The following MYRFL variants were observed in gnomAD, a reference collection of about 807,000 sequenced individuals.
The protein encoded by MYRFL is myelin regulatory factor-like protein.
In MYRFL, 88 loss-of-function variants were observed where a neutral mutation model predicts 109.4. The ratio of observed to expected loss-of-function variants is 0.80; its 90% CI spans 0.68 to 0.96. The LOEUF is 0.96. Ranked by LOEUF, MYRFL falls within the 40% of genes least tolerant of loss-of-function variation. The pLI is 0.00. For synonymous variants in MYRFL, 324 were observed against 320.9 expected, an observed-to-expected ratio of 1.01 and a Z score of -0.10; for missense variants, 957 against 954.9, an observed-to-expected ratio of 1.00 and a Z score of -0.03.
chr12:69,904,063 C>G, intron 11 of MYRFL: 1 of 461,004 alleles, frequency 2.2e-6, no homozygotes, highest in Middle Eastern at 5.6e-4. Flanking sequence ...CTGACAGGAG[C>G]AGTGGGCAAA....
chr12:69,926,403 G>C (rs1047614312), intron 13 of MYRFL, among the ~76,000 whole-genome samples, 168 bp from the exon 14 acceptor site: 1 of 152,128 alleles, frequency 6.6e-6, no homozygotes, highest in Non-Finnish European at 1.5e-5. Context: ...TAGCAAGACT[G>C]TGTTCAGTTT....
chr12:69,903,757 C>A lies in MYRFL; in HGVS notation c.1296C>A (p.Asp432Glu), dbSNP rs1199743794. The A allele has an allele frequency of 6.5e-7, 1 of 1,535,802 alleles. No individual in the cohort carries two copies. Among genetic ancestry groups the A allele is most frequent in the Non-Finnish European group, 8.7e-7 (1 of 1,146,658 alleles). Reference sequence around the variant, plus strand: ...TAGGAATCAACACAGATGCGCCGGACGAAGCCCTGGTTGTCTGTGGCAACA... The same window carrying A: ...TAGGAATCAACACAGATGCGCCGGAAGAAGCCCTGGTTGTCTGTGGCAACA... ...GRVGINTDAPDEALVVCGNMK... is the reference protein window; with the variant it reads ...GRVGINTDAPEEALVVCGNMK... The change falls in exon 11 of 25, where the codon GAC becomes GAA. Residue 432 changes from aspartate (D) to glutamate (E), a missense_variant. By Grantham distance (45) the Asp-to-Glu change is conservative. Coordinates refer to ENST00000552032, the MANE Select transcript of MYRFL (RefSeq NM_182530.3).
chr12:69,931,725 A>G, intron 15 of MYRFL, among the ~76,000 whole-genome samples: 1 of 152,178 alleles, frequency 6.6e-6, no homozygotes, highest in East Asian at 1.9e-4. Flanking sequence ...GTAGCACCTC[A>G]TTTAAGTGGG....
chr12:69,934,980 C>T (rs907574660), intron 16 of MYRFL, among the ~76,000 whole-genome samples: 1 of 152,136 alleles, frequency 6.6e-6, no homozygotes, highest in African/African-American at 2.4e-5. Flanking sequence ...CACTGGGGAC[C>T]CAACCCTGTT....
intron 13 of MYRFL, among the ~76,000 whole-genome samples, chr12:69,924,026 A>G (rs1166259042): frequency 6.6e-6 from 1 of 151,944 alleles, no homozygotes; most frequent in Non-Finnish European, 1.5e-5. Context: ...CGTCTCTACT[A>G]AAAATACAAA....
At chr12:69,894,838 A>G (rs942971814) in intron 8 of MYRFL, among the ~76,000 whole-genome samples, 1 of 152,238 alleles carries the variant, frequency 6.6e-6, no homozygotes, top group Non-Finnish European at 1.5e-5. Flanking sequence ...TGGACAGTCC[A>G]GAAGCCACTT....
chr12:69,854,803 C>G (rs1479000683), intron 1 of MYRFL, among the ~76,000 whole-genome samples: 2 of 152,086 alleles, frequency 1.3e-5, no homozygotes, highest in Non-Finnish European at 2.9e-5. Context: ...ACCCGAAACC[C>G]CTATTTAATT....
rs1885299901 is a variant in MYRFL at position 69,870,624 on chromosome 12, C to T, written c.138-8404C>T. Among the ~76,000 whole-genome samples the T allele has an allele frequency of 2.0e-5, 3 of 152,136 alleles. No individual in the cohort carries two copies. In the South Asian group the frequency reaches 6.2e-4, roughly 32 times the overall value. On this transcript the variant is annotated intron_variant, in intron 2 of 24. Coordinates refer to ENST00000552032, the MANE Select transcript of MYRFL (RefSeq NM_182530.3). ...ATTGCTCTTGTTTTAACAATTTGGT[C>T]AGTTTGAAGGTAGCTATCATTAATT...
rs1417077831 is a variant in MYRFL at position 69,952,811 on chromosome 12, C to CCAT, written c.2303_2305dup (p.Ile768dup). 5 of 1,529,664 alleles carry CCAT rather than the reference C, an allele frequency of 3.3e-6. No individual in the cohort carries two copies. In the East Asian group the frequency reaches 9.8e-5, roughly 30 times the overall value. 94.8% of individuals were successfully genotyped at this position (1,529,664 alleles called of 1,614,324 possible). ...CTTCTCAATTCAGGGATTGATACAA[C>CCAT]CATCAGTTCTATTCAGATTATGGAA... On this transcript the variant is annotated inframe_insertion, in exon 21 of 25. Coordinates refer to ENST00000552032, the MANE Select transcript of MYRFL (RefSeq NM_182530.3).
chr12:69,892,449 C>T (rs180760803), intron 7 of MYRFL, among the ~76,000 whole-genome samples: 2 of 152,166 alleles, frequency 1.3e-5, no homozygotes, highest in East Asian at 1.9e-4. Flanking sequence ...TTCGCTCTGT[C>T]GCCTAGACTG....
chr12:69,932,877 G>GTGTGTT (rs1429200818), intron 16 of MYRFL, among the ~76,000 whole-genome samples: 1 of 150,802 alleles, frequency 6.6e-6, no homozygotes, highest in African/African-American at 2.4e-5. Flanking sequence ...GTGTGTGTGT[G>GTGTGTT]TGTGTTTGTG....
At chr12:69,881,618 G>A (rs1886118693) in intron 5 of MYRFL, among the ~76,000 whole-genome samples, 1 of 152,212 alleles carries the variant, frequency 6.6e-6, no homozygotes, top group South Asian at 2.1e-4. Flanking sequence ...ACTTCACCCT[G>A]TCAGTCAAGT....
chr12:69,953,012 G>A (rs1421872467), intron 21 of MYRFL, 126 bp downstream of exon 21: 2 of 613,782 alleles, frequency 3.3e-6, no homozygotes, highest in Non-Finnish European at 5.5e-6. Flanking sequence ...TGCTCCTTAA[G>A]TGAAAACATC....
chr12:69,922,471 TA>T (rs1432802724), intron 13 of MYRFL, among the ~76,000 whole-genome samples: 1 of 152,172 alleles, frequency 6.6e-6, no homozygotes, highest in African/African-American at 2.4e-5. Flanking sequence ...TTCAAATGTA[TA>T]AAAAACTAGA....
At chr12:69,956,815 C>T (rs910000451) in intron 22 of MYRFL, among the ~76,000 whole-genome samples, 2 of 152,160 alleles carry the variant, frequency 1.3e-5, no homozygotes, top group Admixed American at 6.5e-5. Context: ...TACCATATTT[C>T]AAGGCAGAGC....
At chr12:69,843,674 C>T (rs1883370142) in intron 1 of MYRFL, among the ~76,000 whole-genome samples, 1 of 152,178 alleles carries the variant, frequency 6.6e-6, no homozygotes, top group African/African-American at 2.4e-5. Context: ...CCCTGATGGA[C>T]TCATCTTCAT....
At chr12:69,898,344 TAA>T (rs1178210453) in intron 10 of MYRFL, among the ~76,000 whole-genome samples, 2 of 152,158 alleles carry the variant, frequency 1.3e-5, no homozygotes, top group African/African-American at 4.8e-5. Context: ...AGAAATGAGG[TAA>T]AACACGTATG....
At chr12:69,951,874 C>T (rs1327953778) in intron 19 of MYRFL, among the ~76,000 whole-genome samples, 2 of 152,164 alleles carry the variant, frequency 1.3e-5, no homozygotes, top group Non-Finnish European at 1.5e-5. Context: ...TCACTATATG[C>T]ATTTGAATTT....
At chr12:69,904,076 C>CAGG in intron 11 of MYRFL, 1 of 439,220 alleles carries the variant, frequency 2.3e-6, no homozygotes, top group East Asian at 3.4e-5. Flanking sequence ...TGGGCAAAGA[C>CAGG]AGCATGTCAT....
Sources: gnomAD v4.1 joint callset for allele counts (sites outside exome capture counted in the v4.1 genomes callset) on GRCh38, gnomAD v4.1.1 for gene constraint, MANE v1.5 for transcripts, NCBI Gene and HGNC (gene_info 2026-07-23, HGNC 2026-07-21) for gene names.